The following TBC1D15 variants were observed in gnomAD, a reference collection of about 807,000 sequenced individuals.
TBC1D15 encodes the protein GAP for RAB7.
TBC1D15 carries 39 observed loss-of-function variants against 95.4 expected under a neutral mutation model. The observed-to-expected ratio is 0.41, with a 90% CI of 0.32 to 0.53. TBC1D15 has a LOEUF of 0.53. Among genes scored for constraint, TBC1D15 ranks in the 20% least tolerant of loss-of-function variants. The probability of loss-of-function intolerance (pLI) is 0.29; values close to 1 mark genes in which losing one functional copy is unlikely to be tolerated. For missense variants in TBC1D15, 733 were observed against 794.3 expected (o/e 0.92, Z 0.93); for synonymous variants, 258 against 261.3 (o/e 0.99, Z 0.12).
intron 1 of TBC1D15, among the ~76,000 whole-genome samples, chr12:71,866,367 T>C (rs1472148408): frequency 6.6e-6 from 1 of 152,210 alleles, no homozygotes; most frequent in African/African-American, 2.4e-5. Context: ...CTGGGGTTAG[T>C]GCCTGTGAGG....
At chr12:71,866,605 C>G (rs1345181172) in intron 1 of TBC1D15, among the ~76,000 whole-genome samples, 5 of 152,086 alleles carry the variant, frequency 3.3e-5, no homozygotes, top group African/African-American at 2.4e-5. Flanking sequence ...CACTCTAGTG[C>G]TCTCCCTCAG....
chr12:71,907,158 A>G lies in TBC1D15; in HGVS notation c.1300+20A>G, dbSNP rs775289352. ...ATTTAGGTAAGTTCTCTAAAGTTCT[A>G]ATTTTAAAAGATGTAAATATATTTA... is the stretch of plus-strand genomic sequence containing the variant. On this transcript the variant is annotated intron_variant, in intron 11 of 16. Coordinates refer to ENST00000485960, the MANE Select transcript of TBC1D15 (RefSeq NM_001146213.3). The G allele has an allele frequency of 7.8e-6, 11 of 1,411,748 alleles. No individual in the cohort carries two copies. Among genetic ancestry groups the G allele is most frequent in the Non-Finnish European group, 1.1e-5 (11 of 1,015,594 alleles). 87.5% of individuals were successfully genotyped at this position (1,411,748 alleles called of 1,614,324 possible).
rs200350353 is a variant in TBC1D15, at chr12:71,920,743, G to A, written c.1612G>A (p.Glu538Lys). ...CTGCCTTCTATAGGTAATGTGGACC[G>A]AACTACCATGTACAAATTTCCATCT... The part of the protein sequence containing the change: ...ILRLWEVMWT[E>K]LPCTNFHLLL... Residue 538 changes from glutamate (E) to lysine (K), a missense_variant, in exon 15 of 17, where the codon GAA becomes AAA. Transcript: ENST00000485960. 4.7e-5 allele frequency: 75 copies of A among 1,611,794 alleles called. No individual in the cohort carries two copies. Among genetic ancestry groups the A allele is most frequent in the African/African-American group, 2.8e-4 (21 of 74,944 alleles).
chr12:71,893,614 AC>A (rs1158887012), intron 6 of TBC1D15, among the ~76,000 whole-genome samples: 7 of 151,918 alleles, frequency 4.6e-5, no homozygotes, highest in Admixed American at 1.3e-4. Context: ...TTGTATCATA[AC>A]TTTTATTGAT....
chr12:71,848,338 T>A (rs1886854973), intron 1 of TBC1D15, among the ~76,000 whole-genome samples: 1 of 152,330 alleles, frequency 6.6e-6, no homozygotes. Context: ...TTGCTTCATA[T>A]TTTTGCCCAT....
chr12:71,882,105 A>G (rs912133485), intron 4 of TBC1D15, among the ~76,000 whole-genome samples: 2 of 151,844 alleles, frequency 1.3e-5, no homozygotes, highest in Non-Finnish European at 2.9e-5. Flanking sequence ...TGTTTTTCTT[A>G]CCTTTTACCC....
At chr12:71,903,552 A>G (rs147798050) in intron 10 of TBC1D15, among the ~76,000 whole-genome samples, 60 of 152,358 alleles carry the variant, frequency 3.9e-4, no homozygotes, top group African/African-American at 1.3e-3. Context: ...GTTCTACCAC[A>G]AAGGTAAATG....
Position 71,888,861 on chromosome 12 carries a change from T to C in TBC1D15, c.554+3840T>C, listed in dbSNP as rs943839924. Among the ~76,000 whole-genome samples the C allele has an allele frequency of 4.7e-5, 7 of 148,260 alleles. No homozygotes were observed. In the South Asian group the frequency reaches 1.3e-3, roughly 27 times the overall value. On this transcript the variant is annotated intron_variant, in intron 5 of 16. Transcript: ENST00000485960. Reference sequence around the variant, plus strand: ...ACATGTTTCTTTTTTTTTTTTTTTTTCATTTAATTCAAGTATTTTTTTTTG... The same window carrying C: ...ACATGTTTCTTTTTTTTTTTTTTTTCCATTTAATTCAAGTATTTTTTTTTG...
At chr12:71,887,059 T>G (rs1896363468) in intron 5 of TBC1D15, among the ~76,000 whole-genome samples, 1 of 152,144 alleles carries the variant, frequency 6.6e-6, no homozygotes, top group African/African-American at 2.4e-5. Flanking sequence ...AGACTACCTA[T>G]TCTATAGGTA....
At chr12:71,913,232 A>G (rs376252768) in intron 11 of TBC1D15, 3 of 152,250 alleles carry the variant, frequency 2.0e-5, no homozygotes, top group South Asian at 2.1e-4. Context: ...AAGGACGTAG[A>G]TATGACTATT....
At chr12:71,899,399 A>G (rs1048104574) in intron 10 of TBC1D15, among the ~76,000 whole-genome samples, 13 of 152,208 alleles carry the variant, frequency 8.5e-5, no homozygotes, top group Non-Finnish European at 1.9e-4. Context: ...AGACTCATTC[A>G]TACTCAGATC....
At chr12:71,878,050 A>G (rs12302844) in intron 3 of TBC1D15, among the ~76,000 whole-genome samples, 2,669 of 152,220 alleles carry the variant, frequency 0.018, 79 homozygotes, top group African/African-American at 0.061. Context: ...CCCTAATGTC[A>G]AAGTTCACGT....
rs763242390 is a variant in TBC1D15 at position 71,896,730 on chromosome 12, T to A, written c.1038T>A (p.Phe346Leu). The A allele has an allele frequency of 1.4e-5, 22 of 1,612,994 alleles. No individual in the cohort carries two copies. The highest frequency in any genetic ancestry group is 1.9e-5 in the Non-Finnish European group (22 of 1,179,412). Reference sequence around the variant, plus strand: ...CATGGAAATTTCTTCTGGGTTATTTTCCCTGGGACAGTACCAAGGAGGAAA... The same window carrying A: ...CATGGAAATTTCTTCTGGGTTATTTACCCTGGGACAGTACCAAGGAGGAAA... ...KQAWKFLLGY[F>L]PWDSTKEERT... is the part of the protein sequence containing the mutation. Residue 346 changes from phenylalanine (F) to leucine (L), a missense_variant, in exon 9 of 17, where the codon TTT becomes TTA. Phe to Leu is a conservative substitution (Grantham distance 22). Transcript: ENST00000485960.
rs942350791 is a variant in TBC1D15 at position 71,880,700 on chromosome 12, A to G, written c.343+93A>G. 12 of 1,340,730 alleles carry G rather than the reference A, an allele frequency of 9.0e-6. No individual in the cohort carries two copies. The African/African-American group carries it at 1.8e-4, about 20-fold the overall frequency. 83.1% of individuals were successfully genotyped at this position (1,340,730 alleles called of 1,614,324 possible). A position where few individuals can be genotyped will look rare whatever the true frequency, so the allele number is the denominator to read the frequency against. Reference sequence around the variant, plus strand: ...GAAGATTCGTGAATGCTCCTCAGTGAGAAGGATGATTAATTTCTTTGGTTA... The same window carrying G: ...GAAGATTCGTGAATGCTCCTCAGTGGGAAGGATGATTAATTTCTTTGGTTA... On this transcript the variant is annotated intron_variant, in intron 4 of 16. Coordinates refer to ENST00000485960, the MANE Select transcript of TBC1D15 (RefSeq NM_001146213.3).
intron 4 of TBC1D15, among the ~76,000 whole-genome samples, chr12:71,881,107 C>T (rs1434662889): frequency 6.6e-6 from 1 of 152,138 alleles, no homozygotes; most frequent in East Asian, 1.9e-4. Context: ...GACTGATCGC[C>T]TATATGTCAG....
rs7969902 is a variant in TBC1D15 at position 71,921,178 on chromosome 12, C to A, written c.1717-190C>A. On this transcript the variant is annotated intron_variant, in intron 15 of 16. Coordinates refer to ENST00000485960, the MANE Select transcript of TBC1D15 (RefSeq NM_001146213.3). ...ATGTTCCATAAGCTTATTAGCTAGT[C>A]TTTAGCTTTAAAACTTGAAATAATC... Among the ~76,000 whole-genome samples, 3 of 151,944 alleles carry A rather than the reference C, an allele frequency of 2.0e-5. 1 individual carries two copies. Among genetic ancestry groups the A allele is most frequent in the South Asian group, 4.1e-4 (2 of 4,832 alleles).
chr12:71,859,801 G>C (rs1346389481), intron 1 of TBC1D15, among the ~76,000 whole-genome samples: 3 of 152,026 alleles, frequency 2.0e-5, no homozygotes, highest in Non-Finnish European at 4.4e-5. Context: ...AGTAGAGATG[G>C]GGTTTCACCA....
At chr12:71,860,635 T>C (rs1028489695) in intron 1 of TBC1D15, among the ~76,000 whole-genome samples, 2 of 152,214 alleles carry the variant, frequency 1.3e-5, no homozygotes, top group African/African-American at 4.8e-5. Flanking sequence ...GTTAGGAGTT[T>C]TTTGGTAGAG....
intron 16 of TBC1D15, among the ~76,000 whole-genome samples, chr12:71,922,377 G>A (rs1366364767): frequency 6.7e-6 from 1 of 150,030 alleles, no homozygotes; most frequent in Non-Finnish European, 1.5e-5. Context: ...GACCCATCAC[G>A]CCCGGCCATG....
Sources: allele counts gnomAD v4.1 joint callset (sites outside exome capture counted in the v4.1 genomes callset), GRCh38; gene constraint gnomAD v4.1.1; transcripts MANE v1.5; gene names NCBI Gene and HGNC (gene_info 2026-07-23, HGNC 2026-07-21).